The following ZNF451 variants were observed in gnomAD, a reference collection of about 807,000 sequenced individuals.
ZNF451 encodes E3 SUMO-protein ligase ZNF451.
A neutral mutation model predicts 107.1 loss-of-function variants in ZNF451; 80 were observed. The ratio of observed to expected loss-of-function variants is 0.75; its 90% CI spans 0.62 to 0.90. The LOEUF is 0.90. Ranked by LOEUF, ZNF451 falls within the 40% of genes least tolerant of loss-of-function variation. The pLI is 0.00. For missense variants in ZNF451, 1,107 were observed against 1,236.2 expected (o/e 0.90, Z 1.57); for synonymous variants, 362 against 406.5 (o/e 0.89, Z 1.32).
In ZNF451 at chr6:57,134,742, A is replaced by C; in HGVS notation, c.576-2A>C. 6.2e-7 allele frequency: 1 copy of C among 1,611,462 alleles called. No homozygotes were observed. Among genetic ancestry groups the C allele is most frequent in the Non-Finnish European group, 8.5e-7 (1 of 1,179,058 alleles). On this transcript the variant is annotated splice_acceptor_variant, in intron 6 of 14. Coordinates refer to ENST00000370706, the MANE Select transcript of ZNF451 (RefSeq NM_001031623.3). LOFTEE classifies it high-confidence loss of function. ...TTACCTCTTACCTCTTTTGCTGAGT[A>C]GGTTCGATCACTCTCCATGTGATCC... is the stretch of plus-strand genomic sequence containing the variant.
In ZNF451 at chr6:57,142,693, C is replaced by G. The variant is rs150957331; in HGVS notation, c.1004+598C>G. Among the ~76,000 whole-genome samples the G allele has an allele frequency of 1.8e-4, 27 of 152,206 alleles. 1 individual carries two copies. In the East Asian group the frequency reaches 5.0e-3, roughly 28 times the overall value. ...AGGTCTTTTCATGGTCATATGTTTT[C>G]ATTTCTCTTGGATGGACATTGAAAA... On this transcript the variant is annotated intron_variant, in intron 9 of 14. Transcript: ENST00000370706.
In ZNF451 at chr6:57,138,775, G is replaced by A. The variant is rs371607825; in HGVS notation, c.703-2527G>A. ...TGTGTGTGTGTGTGTGTGTGTGTGT[G>A]TATATATATATATAAAATTTTTTTT... On this transcript the variant is annotated intron_variant, in intron 7 of 14. Transcript: ENST00000370706. Among the ~76,000 whole-genome samples, 751 of 106,172 alleles carry A rather than the reference G, an allele frequency of 7.1e-3. 4 individuals are homozygous for A. The highest frequency in any genetic ancestry group is 9.3e-3 in the African/African-American group (262 of 28,314). 69.7% of individuals were successfully genotyped at this position (106,172 alleles called of 152,430 possible).
chr6:57,124,489 C>T (rs1453428166), intron 3 of ZNF451: 10 of 716,554 alleles, frequency 1.4e-5, no homozygotes, highest in South Asian at 3.0e-5. Flanking sequence ...GTTTACTCTT[C>T]AGCTTTTAAG....
intron 3 of ZNF451, among the ~76,000 whole-genome samples, chr6:57,111,371 G>GT (rs372422404): frequency 0.025 from 3,323 of 133,202 alleles, 46 homozygotes; most frequent in African/African-American, 0.038. Context: ...GGGTTTTTTT[G>GT]TTTTTTTTTT....
intron 9 of ZNF451, 23 bp from the exon 10 acceptor site, chr6:57,147,067 C>G (rs758255457): frequency 6.4e-7 from 1 of 1,555,900 alleles, no homozygotes; most frequent in South Asian, 1.2e-5. Context: ...GAAAGACTTT[C>G]TATTTCTTTT....
intron 11 of ZNF451, chr6:57,151,084 G>A (rs1427986000): frequency 8.7e-6 from 4 of 461,600 alleles, no homozygotes; most frequent in South Asian, 4.1e-5. Flanking sequence ...TCTTTTGGCC[G>A]GGCGCGGTGG....
intron 14 of ZNF451, chr6:57,164,776 GTTGT>G (rs1371376269): frequency 6.6e-6 from 1 of 152,128 alleles, no homozygotes; most frequent in Non-Finnish European, 1.5e-5. Context: ...GGTTGTTTTT[GTTGT>G]TTGTTTGCCA....
intron 5 of ZNF451, 72 bp downstream of exon 5, chr6:57,128,912 A>T: frequency 9.3e-7 from 1 of 1,079,436 alleles, no homozygotes. Context: ...CGTCTGTTTT[A>T]TGCTATTGCT....
intron 3 of ZNF451, chr6:57,106,276 A>G (rs1184933903): frequency 1.1e-6 from 1 of 936,350 alleles, no homozygotes; most frequent in African/African-American, 1.8e-5. Context: ...AGATCTTTGT[A>G]GAAGTAGTTT....
chr6:57,156,719 G>A (rs1301903826), intron 13 of ZNF451, among the ~76,000 whole-genome samples: 1 of 152,152 alleles, frequency 6.6e-6, no homozygotes, highest in African/African-American at 2.4e-5. Context: ...TTGTCCTTTG[G>A]GATGTAACCT....
At chr6:57,157,023 C>T (rs991204156) in intron 13 of ZNF451, among the ~76,000 whole-genome samples, 9 of 152,158 alleles carry the variant, frequency 5.9e-5, no homozygotes, top group Non-Finnish European at 1.2e-4. Context: ...TGGTACTGGT[C>T]CATGGCCCTG....
intron 3 of ZNF451, among the ~76,000 whole-genome samples, chr6:57,118,683 A>G (rs531419458): frequency 5.3e-5 from 8 of 152,182 alleles, no homozygotes; most frequent in African/African-American, 7.2e-5. Context: ...GAGGCCTTGC[A>G]CTGTTAGCTG....
Position 57,169,493 on chromosome 6 carries a change from TGTTATTTAA to T in ZNF451, c.*1025_*1033del, listed in dbSNP as rs568929940. On this transcript the variant is annotated 3_prime_UTR_variant, in exon 15 of 15. Coordinates refer to ENST00000370706, the MANE Select transcript of ZNF451 (RefSeq NM_001031623.3). ...ATATTATCTTTGTGTATATGCTTCA[TGTTATTTAA>T]CCAGAAATGTCTTATCTCTAAAAAT... 2.0e-4 allele frequency: 30 copies of T among 152,282 alleles called. No individual in the cohort carries two copies. The South Asian group carries it at 6.2e-3, about 32-fold the overall frequency. 9.4% of individuals were successfully genotyped at this position (152,282 alleles called of 1,614,324 possible). A position where few individuals can be genotyped will look rare whatever the true frequency, so the allele number is the denominator to read the frequency against.
chr6:57,168,648 CAT>C lies in ZNF451; in HGVS notation c.*180_*181del, dbSNP rs1409580826. 8 of 595,760 alleles carry C rather than the reference CAT, an allele frequency of 1.3e-5. No individual in the cohort carries two copies. The highest frequency in any genetic ancestry group is 7.7e-5 in the African/African-American group (4 of 51,838). 36.9% of individuals were successfully genotyped at this position (595,760 alleles called of 1,614,324 possible). A position where few individuals can be genotyped will look rare whatever the true frequency, so the allele number is the denominator to read the frequency against. ...TTGTATTTTTGTGCTAATGTGCAAA[CAT>C]GTACAGAAGAAATAGAATACATGTT... On this transcript the variant is annotated 3_prime_UTR_variant, in exon 15 of 15. Coordinates refer to ENST00000370706, the MANE Select transcript of ZNF451 (RefSeq NM_001031623.3).
At chr6:57,163,556 T>C (rs1763772302) in intron 14 of ZNF451, among the ~76,000 whole-genome samples, 1 of 141,320 alleles carries the variant, frequency 7.1e-6, no homozygotes, top group Admixed American at 7.4e-5. Flanking sequence ...GTTCACGCCA[T>C]TCTCCTGCCT....
At position 57,168,769 on chromosome 6, in the gene ZNF451, G is replaced by A. The variant is rs926959680; in HGVS notation, c.*300G>A. 3.3e-4 allele frequency: 85 copies of A among 259,858 alleles called. 2 individuals carry two copies. The South Asian group carries it at 4.2e-3, about 13-fold the overall frequency. The allele number at this position is 259,858 out of a possible 1,614,324, so 16.1% of individuals were successfully genotyped here. ...TTTAGATTTAAAGGATTAAAAAAAA[G>A]GAAAGCTCTTGACAGTTGTTTCCCA... On this transcript the variant is annotated 3_prime_UTR_variant, in exon 15 of 15. Transcript: ENST00000370706.
intron 12 of ZNF451, among the ~76,000 whole-genome samples, chr6:57,152,560 A>T (rs1416621834): frequency 2.0e-5 from 3 of 152,148 alleles, no homozygotes; most frequent in African/African-American, 7.2e-5. Flanking sequence ...TAGACCCTCA[A>T]CTATTTGTGG....
At chr6:57,093,392 C>G (rs1829141290) in intron 2 of ZNF451, among the ~76,000 whole-genome samples, 1 of 152,118 alleles carries the variant, frequency 6.6e-6, no homozygotes, top group Admixed American at 6.5e-5. Context: ...AGAAGGGAGT[C>G]AGGCAGAAAA....
intron 9 of ZNF451, among the ~76,000 whole-genome samples, chr6:57,146,457 T>C (rs1832068039): frequency 1.3e-5 from 2 of 152,152 alleles, no homozygotes; most frequent in Non-Finnish European, 2.9e-5. Context: ...ATGAAAGATA[T>C]GGGTTCAGTT....
Sources: allele counts gnomAD v4.1 joint callset (sites outside exome capture counted in the v4.1 genomes callset), GRCh38; gene constraint gnomAD v4.1.1; transcripts MANE v1.5; gene names NCBI Gene and HGNC (gene_info 2026-07-23, HGNC 2026-07-21).